The following STPG2 variants were observed in gnomAD, a reference collection of about 807,000 sequenced individuals.
STPG2 encodes sperm-tail PG-rich repeat-containing protein 2.
In STPG2, 56 loss-of-function variants were observed where a neutral mutation model predicts 54.2. The ratio of observed to expected loss-of-function variants is 1.03; its 90% confidence interval spans 0.83 to 1.29. The LOEUF is 1.29. Among genes scored for constraint, STPG2 ranks in the 50% most tolerant of loss-of-function variants. The pLI is 0.00. For missense variants in STPG2, 596 were observed against 544.9 expected (o/e 1.09, Z -0.93); for synonymous variants, 200 against 181.8 (o/e 1.10, Z -0.81).
chr4:98,026,465 C>G (rs149262070), intron 5 of STPG2, among the ~76,000 whole-genome samples: 1 of 152,132 alleles, frequency 6.6e-6, no homozygotes, highest in Non-Finnish European at 1.5e-5. Context: ...CAAGAGAGGG[C>G]ACCAGATGGA....
intron 5 of STPG2, among the ~76,000 whole-genome samples, chr4:98,073,135 T>C (rs1375463900): frequency 6.6e-6 from 1 of 152,206 alleles, no homozygotes; most frequent in Non-Finnish European, 1.5e-5. Flanking sequence ...CTTGCTATGT[T>C]TCACATAGTT....
chr4:97,548,994 TCCA>T (rs1272075635), intron 4 of STPG2, among the ~76,000 whole-genome samples: 1 of 24,542 alleles, frequency 4.1e-5, no homozygotes, highest in African/African-American at 5.7e-4. Flanking sequence ...TTAAACTATA[TCCA>T]CCACAATAAT....
At chr4:97,972,966 T>A (rs573496564) in intron 6 of STPG2, among the ~76,000 whole-genome samples, 1 of 152,202 alleles carries the variant, frequency 6.6e-6, no homozygotes, top group Non-Finnish European at 1.5e-5. Flanking sequence ...TATGTCTTTT[T>A]TAGCAGAATG....
intron 4 of STPG2, among the ~76,000 whole-genome samples, chr4:97,512,482 A>G (rs1353505416): frequency 4.6e-5 from 7 of 152,242 alleles, no homozygotes; most frequent in Non-Finnish European, 1.5e-5. Context: ...GTCTGGATCA[A>G]CAGATTTGGG....
At chr4:97,647,869 A>T (rs1317257608) in intron 10 of STPG2, among the ~76,000 whole-genome samples, 1 of 152,150 alleles carries the variant, frequency 6.6e-6, no homozygotes, top group East Asian at 1.9e-4. Flanking sequence ...GCAGGCTGGC[A>T]GGGGCCAGTG....
At position 97,932,930 on chromosome 4, in the gene STPG2, A is replaced by G. The variant is rs181824876; in HGVS notation, c.1044+10967T>C. On this transcript the variant is annotated intron_variant, in intron 8 of 10. Coordinates refer to ENST00000295268, the MANE Select transcript of STPG2 (RefSeq NM_174952.3). ...TTGGTATTCCTGGTTCTAGATCATT[A>G]AGGAATCGCCACACTGTCTTCCACA... is the stretch of plus-strand genomic sequence containing the variant. 4.7e-3 allele frequency among the ~76,000 whole-genome samples: 721 copies of G among 152,252 alleles called. 6 individuals carry two copies. The highest frequency in any genetic ancestry group is 5.7e-3 in the Non-Finnish European group (387 of 67,990).
At chr4:97,526,057 A>T (rs1412255970) in intron 4 of STPG2, among the ~76,000 whole-genome samples, 1 of 152,130 alleles carries the variant, frequency 6.6e-6, no homozygotes, top group Non-Finnish European at 1.5e-5. Context: ...AAATTCCAAA[A>T]CACAAATATT....
At chr4:97,871,651 AC>A (rs1362360801) in intron 8 of STPG2, among the ~76,000 whole-genome samples, 1 of 151,184 alleles carries the variant, frequency 6.6e-6, no homozygotes, top group South Asian at 2.1e-4. Context: ...AAAAGAAAAA[AC>A]AGTTACAAAG....
At chr4:97,977,592 C>T (rs565310151) in intron 6 of STPG2, among the ~76,000 whole-genome samples, 1 of 152,274 alleles carries the variant, frequency 6.6e-6, no homozygotes, top group Non-Finnish European at 1.5e-5. Flanking sequence ...GGCTCCAAGA[C>T]CAACTGTTTC....
chr4:97,703,868 A>T (rs1723865229), intron 10 of STPG2, among the ~76,000 whole-genome samples: 1 of 151,032 alleles, frequency 6.6e-6, no homozygotes, highest in African/African-American at 2.4e-5. Flanking sequence ...CATAATCACA[A>T]GGTCCCACAA....
At chr4:97,612,793 T>C (rs914093206) in intron 10 of STPG2, among the ~76,000 whole-genome samples, 1 of 151,976 alleles carries the variant, frequency 6.6e-6, no homozygotes, top group East Asian at 1.9e-4. Flanking sequence ...TTAACTACAC[T>C]ACAGCATAAA....
intron 5 of STPG2, among the ~76,000 whole-genome samples, chr4:98,021,324 C>T (rs562159387): frequency 3.0e-5 from 4 of 131,530 alleles, no homozygotes; most frequent in Admixed American, 7.3e-5. Flanking sequence ...TGTAGTTGAG[C>T]GGTTTTGAGT....
intron 5 of STPG2, among the ~76,000 whole-genome samples, chr4:98,099,963 T>A (rs1040613470): frequency 1.3e-5 from 2 of 152,126 alleles, no homozygotes; most frequent in Non-Finnish European, 2.9e-5. Flanking sequence ...TTCCATGATA[T>A]GATTATTACA....
Position 97,559,111 on chromosome 4 carries a change from G to A in STPG2, c.1327C>T (p.Gln443Ter). 1 of 1,594,874 alleles carries A rather than the reference G, an allele frequency of 6.3e-7. No homozygotes were observed. Among genetic ancestry groups the A allele is most frequent in the Non-Finnish European group, 8.5e-7 (1 of 1,171,240 alleles). Residue 443 changes from glutamine to a stop codon, truncating the protein, a stop_gained, in exon 11 of 11, where the codon CAG (glutamine) becomes TAG (stop). Transcript: ENST00000295268. LOFTEE classifies it high-confidence loss of function. ...ATGAGATTTCCTTTCTTTTTCTCCT[G>A]GGATATCTGTTTAATAAGAATGAGA... ...TPGPATYEIS[Q>*]EKKKGNLIGE...
At chr4:97,894,693 T>C (rs1469678308) in intron 8 of STPG2, among the ~76,000 whole-genome samples, 1 of 151,844 alleles carries the variant, frequency 6.6e-6, no homozygotes, top group Admixed American at 6.6e-5. Flanking sequence ...TCCCTACTAG[T>C]TTACGTGTCT....
At chr4:98,142,434 G>T (rs943752827) in intron 1 of STPG2, among the ~76,000 whole-genome samples, 6 of 152,002 alleles carry the variant, frequency 3.9e-5, no homozygotes, top group Non-Finnish European at 5.9e-5. Flanking sequence ...AACAAACGAG[G>T]AGAGCAAATA....
chr4:97,931,035 T>C (rs989087298), intron 8 of STPG2, among the ~76,000 whole-genome samples: 4 of 152,362 alleles, frequency 2.6e-5, no homozygotes, highest in Non-Finnish European at 5.9e-5. Flanking sequence ...ATTGATGTTA[T>C]ATCCTTAAAT....
intron 6 of STPG2, among the ~76,000 whole-genome samples, chr4:97,979,213 C>T (rs564659104): frequency 1.2e-4 from 18 of 152,146 alleles, no homozygotes; most frequent in African/African-American, 4.3e-4. Flanking sequence ...TAGAAGCAGG[C>T]TGAGAAAGCT....
intron 8 of STPG2, among the ~76,000 whole-genome samples, chr4:97,942,104 A>G (rs1457477522): frequency 1.3e-5 from 2 of 151,374 alleles, no homozygotes; most frequent in African/African-American, 2.4e-5. Context: ...TTTAACATAT[A>G]TATGTATAGA....
Sources: gnomAD v4.1 joint callset for allele counts (sites outside exome capture counted in the v4.1 genomes callset) on GRCh38, gnomAD v4.1.1 for gene constraint, MANE v1.5 for transcripts, NCBI Gene and HGNC (gene_info 2026-07-23, HGNC 2026-07-21) for gene names.